Variants in SHPK observed in about 807,000 individuals in gnomAD.
The protein encoded by SHPK is sedoheptulokinase.
SHPK carries 51 observed loss-of-function variants against 46.3 expected under a neutral mutation model. The observed-to-expected ratio is 1.10, with a 90% CI of 0.88 to 1.39. The LOEUF is 1.39. Among genes scored for constraint, SHPK ranks in the 40% most tolerant of loss-of-function variants. The pLI, the probability that SHPK is intolerant of heterozygous loss-of-function variation, is 0.00. For synonymous variants in SHPK, 290 were observed against 273.9 expected (o/e 1.06, Z -0.58); for missense variants, 668 against 641.3 (o/e 1.04, Z -0.45).
At chr17:3,626,600 T>C (rs1327062518) in intron 2 of SHPK, among the ~76,000 whole-genome samples, 1 of 151,650 alleles carries the variant, frequency 6.6e-6, no homozygotes, top group Non-Finnish European at 1.5e-5. Flanking sequence ...CGGGTACCTG[T>C]AGTCCCAGCT....
chr17:3,610,465 A>G lies in SHPK; in HGVS notation c.*95T>C. The G allele has an allele frequency of 7.6e-7, 1 of 1,314,126 alleles. No homozygotes were observed. 81.4% of individuals were successfully genotyped at this position (1,314,126 alleles called of 1,614,324 possible). A position where few individuals can be genotyped will look rare whatever the true frequency, so the allele number is the denominator to read the frequency against. Reference sequence around the variant, plus strand: ...AACAAGCACTGCTTGAAAGCTGTCCACTGAACGGTCCAGGGAAAGGATGAC... The same window carrying G: ...AACAAGCACTGCTTGAAAGCTGTCCGCTGAACGGTCCAGGGAAAGGATGAC... On this transcript the variant is annotated 3_prime_UTR_variant, in exon 7 of 7. Transcript: ENST00000225519.
intron 1 of SHPK, 70 bp downstream of exon 1, chr17:3,635,982 G>A (rs541219023): frequency 3.6e-6 from 5 of 1,406,022 alleles, no homozygotes; most frequent in Non-Finnish European, 4.7e-6. Flanking sequence ...CTGTCAGGGA[G>A]GCCTCCTGGG....
chr17:3,613,050 A>G (rs1214426720), intron 6 of SHPK, among the ~76,000 whole-genome samples: 3 of 152,080 alleles, frequency 2.0e-5, no homozygotes, highest in African/African-American at 7.2e-5. Context: ...ACGCCCAGCC[A>G]GGGATCTTTT....
Position 3,615,417 on chromosome 17 carries a change from A to G in SHPK, c.944T>C (p.Leu315Pro). 6.2e-7 allele frequency: 1 copy of G among 1,614,156 alleles called. No homozygotes were observed. The highest frequency in any genetic ancestry group is 1.1e-5 in the South Asian group (1 of 91,084). The stretch of plus-strand genomic sequence containing the variant: ...CCCGTTGAGTGACGCGGCCACCCCC[A>G]GGTAGGTCCTGTTGAAGTATGGGAA... ...AYFPYFNRTYLGVAASLNGGN... is the reference protein window; with the variant it reads ...AYFPYFNRTYPGVAASLNGGN... The change falls in exon 6 of 7, where the codon CTG becomes CCG. Residue 315 changes from leucine to proline, a missense_variant. Transcript: ENST00000225519.
intron 6 of SHPK, among the ~76,000 whole-genome samples, chr17:3,614,860 A>AG (rs1394596159): frequency 3.4e-5 from 5 of 147,206 alleles, no homozygotes; most frequent in Admixed American, 2.6e-4. Flanking sequence ...AAAAAAAAAA[A>AG]AAGAAGAAGA....
At chr17:3,611,032 T>G in intron 6 of SHPK, 60 bp from the exon 7 acceptor site, 1 of 1,472,382 alleles carries the variant, frequency 6.8e-7, no homozygotes, top group Non-Finnish European at 9.2e-7. Flanking sequence ...CAGGCTGACA[T>G]GGCAGAGAAT....
At chr17:3,615,918 G>A (rs1488393429) in intron 5 of SHPK, among the ~76,000 whole-genome samples, 5 of 147,408 alleles carry the variant, frequency 3.4e-5, no homozygotes, top group Non-Finnish European at 1.5e-5. Flanking sequence ...GCAATGGTGC[G>A]ATCTTGGCTC....
intron 5 of SHPK, chr17:3,619,752 GGAA>G (rs1281827514): frequency 2.6e-5 from 10 of 387,660 alleles, no homozygotes; most frequent in Non-Finnish European, 4.5e-5. Context: ...AAAAAAATTT[GGAA>G]GAAGAATGAT....
intron 5 of SHPK, among the ~76,000 whole-genome samples, chr17:3,620,462 T>C (rs150855): frequency 0.37 from 56,499 of 151,144 alleles, 12,273 homozygotes; most frequent in East Asian, 0.68. Flanking sequence ...CAGATGGGGT[T>C]TCACCGTGTT....
intron 1 of SHPK, among the ~76,000 whole-genome samples, chr17:3,635,098 G>C (rs1322916184): frequency 1.3e-5 from 2 of 151,776 alleles, no homozygotes; most frequent in African/African-American, 4.8e-5. Context: ...CTTGAATCCA[G>C]TTGGCGGAGG....
At chr17:3,631,820 C>A (rs756128963) in intron 1 of SHPK, among the ~76,000 whole-genome samples, 13 of 151,772 alleles carry the variant, frequency 8.6e-5, no homozygotes, top group Non-Finnish European at 1.6e-4. Context: ...CCGCACCCAG[C>A]CTTGATTATC....
intron 2 of SHPK, among the ~76,000 whole-genome samples, chr17:3,625,316 C>A (rs1273747209): frequency 1.3e-5 from 2 of 152,188 alleles, no homozygotes; most frequent in African/African-American, 4.8e-5. Context: ...ACCTTGGTGA[C>A]GTGCTTGACC....
intron 5 of SHPK, among the ~76,000 whole-genome samples, chr17:3,616,222 C>T (rs956632378): frequency 1.3e-5 from 2 of 152,154 alleles, no homozygotes; most frequent in African/African-American, 4.8e-5. Context: ...TAGTGACTCA[C>T]TTCTAGTGAA....
At chr17:3,627,024 G>A (rs989820321) in intron 2 of SHPK, among the ~76,000 whole-genome samples, 4 of 152,200 alleles carry the variant, frequency 2.6e-5, no homozygotes, top group Non-Finnish European at 5.9e-5. Flanking sequence ...CATCCGCACA[G>A]CTCTAATGAC....
At chr17:3,624,745 C>A (rs946616799) in intron 2 of SHPK, among the ~76,000 whole-genome samples, 6 of 152,076 alleles carry the variant, frequency 3.9e-5, no homozygotes, top group Non-Finnish European at 7.4e-5. Flanking sequence ...CCTCCATCTC[C>A]CAGGTTCAAG....
intron 1 of SHPK, among the ~76,000 whole-genome samples, chr17:3,633,916 C>T (rs111778836): frequency 0.058 from 8,654 of 150,432 alleles, 270 homozygotes; most frequent in Middle Eastern, 0.11. Flanking sequence ...CATTTTGTTC[C>T]GTACTAAGAA....
At chr17:3,626,486 C>T (rs560591649) in intron 2 of SHPK, among the ~76,000 whole-genome samples, 66 of 151,970 alleles carry the variant, frequency 4.3e-4, no homozygotes, top group African/African-American at 1.5e-3. Context: ...GAGTATGAGG[C>T]GGGTGGATCA....
intron 6 of SHPK, among the ~76,000 whole-genome samples, 186 bp from the exon 7 acceptor site, chr17:3,611,158 G>A (rs761454679): frequency 5.9e-5 from 9 of 152,174 alleles, no homozygotes; most frequent in Non-Finnish European, 1.2e-4. Context: ...ATCCCCGCCC[G>A]CTGTCTCAGT....
Position 3,618,809 on chromosome 17 carries a change from A to G in SHPK, c.823+2428T>C, listed in dbSNP as rs960461757. Among the ~76,000 whole-genome samples the G allele has an allele frequency of 9.9e-5, 15 of 152,228 alleles. 1 individual carries two copies. The East Asian group carries it at 2.9e-3, about 29-fold the overall frequency. On this transcript the variant is annotated intron_variant, in intron 5 of 6. Transcript: ENST00000225519. The stretch of plus-strand genomic sequence containing the variant: ...AAAAAAAAAATTCATTCATTAGTTG[A>G]CAGACATTTAGATGGTTTATACTTT...
Sources: gnomAD v4.1 joint callset for allele counts (sites outside exome capture counted in the v4.1 genomes callset) on GRCh38, gnomAD v4.1.1 for gene constraint, MANE v1.5 for transcripts, NCBI Gene and HGNC (gene_info 2026-07-23, HGNC 2026-07-21) for gene names.